Variants in AMZ1 observed in about 807,000 individuals in gnomAD.
AMZ1 encodes the protein archaemetzincin-1.
In AMZ1, 39 loss-of-function variants were observed where a neutral mutation model predicts 29.9. The observed-to-expected ratio is 1.30, with a 90% CI of 1.01 to 1.70. The LOEUF (loss-of-function observed/expected upper bound fraction) is 1.70, where lower values mean the gene tolerates loss of function less well. AMZ1 is among the 40% of genes most tolerant of loss of function. The pLI, the probability that AMZ1 is intolerant of heterozygous loss-of-function variation, is 0.00. For missense variants in AMZ1, 1,041 were observed against 680.6 expected (o/e 1.53, Z -5.89); for synonymous variants, 458 against 304.0 (o/e 1.51, Z -5.27).
Position 2,700,673 on chromosome 7 carries a change from C to T in AMZ1, c.222C>T (p.Pro74=), listed in dbSNP as rs150643476. 8.4e-5 allele frequency: 135 copies of T among 1,612,714 alleles called. 3 individuals are homozygous for T. The South Asian group carries it at 8.8e-4, about 10-fold the overall frequency. ...FDWLLSRPEA[P]EDFQTFHASL... ...GGCTCCTGAGCCGACCCGAGGCTCC[C>T]GAGGACTTCCAGACCTTCCACGCCT... Residue 74 remains proline, a synonymous_variant, in exon 2 of 7, where the codon CCC becomes CCT. Coordinates refer to ENST00000683327, the MANE Select transcript of AMZ1 (RefSeq NM_001384743.1).
At chr7:2,681,708 G>T (rs969212481) in intron 1 of AMZ1, among the ~76,000 whole-genome samples, 1 of 152,324 alleles carries the variant, frequency 6.6e-6, no homozygotes, top group South Asian at 2.1e-4. Context: ...TGGTCCGTGT[G>T]TCTTTTCCTG....
intron 1 of AMZ1, among the ~76,000 whole-genome samples, chr7:2,698,619 T>C (rs1388367260): frequency 6.6e-6 from 1 of 152,024 alleles, no homozygotes; most frequent in Non-Finnish European, 1.5e-5. Context: ...AGAGGATTGC[T>C]TGAGCCCAGG....
chr7:2,733,454 C>G (rs1455629624), intron 4 of AMZ1: 2 of 1,613,562 alleles, frequency 1.2e-6, no homozygotes, highest in African/African-American at 2.7e-5. Flanking sequence ...TACTCACCAG[C>G]TGGCCGATCC....
At chr7:2,760,751 C>T (rs1161588517), upstream of AMZ1, among the ~76,000 whole-genome samples, 2 of 152,246 alleles carry the variant, frequency 1.3e-5, no homozygotes, top group African/African-American at 2.4e-5. Context: ...CATTTCTAAT[C>T]TTTCCTCTAG....
rs2115333097 is a variant in AMZ1 at position 2,742,589 on chromosome 7, A to T, written n.551-22123A>T. Among the ~76,000 whole-genome samples the T allele has an allele frequency of 2.0e-5, 3 of 152,308 alleles. 1 individual carries two copies. In the South Asian group the frequency reaches 6.2e-4, roughly 32 times the overall value. ...GGTGCTCAAAGTGAAGAAAGCACTG[A>T]GTCTCGCCGGCCCTTTGCGTTTCCA... On this transcript the variant is annotated intron_variant and non_coding_transcript_variant, in intron 4 of 4. Coordinates refer to the AMZ1 transcript ENST00000489665.
At chr7:2,735,851 G>C (rs1562393425) in intron 4 of AMZ1, among the ~76,000 whole-genome samples, 1 of 152,140 alleles carries the variant, frequency 6.6e-6, no homozygotes, top group Non-Finnish European at 1.5e-5. Context: ...GAACTGTAAG[G>C]TGCCAGGGAC....
intron 4 of AMZ1, among the ~76,000 whole-genome samples, chr7:2,744,022 A>G (rs1455588516): frequency 6.6e-6 from 1 of 152,210 alleles, no homozygotes; most frequent in Admixed American, 6.5e-5. Context: ...AGCAGCCGGG[A>G]AGCTCAAACT....
At position 2,732,568 on chromosome 7, in the gene AMZ1, A is replaced by G. The variant is rs905474650; in HGVS notation, n.550+22752A>G. On this transcript the variant is annotated intron_variant and non_coding_transcript_variant, in intron 4 of 4. Coordinates refer to the AMZ1 transcript ENST00000489665. ...CTCAAAAAATCGAAAAACAAAACAG[A>G]ACAAAAAACCAACAAAACACCTCCC... Among the ~76,000 whole-genome samples the G allele has an allele frequency of 2.6e-5, 4 of 152,214 alleles. No individual in the cohort carries two copies. The South Asian group carries it at 8.3e-4, about 32-fold the overall frequency.
At chr7:2,688,392 G>T (rs1787178306) in intron 1 of AMZ1, 96 bp downstream of exon 1, 1 of 151,900 alleles carries the variant, frequency 6.6e-6, no homozygotes, top group Admixed American at 6.6e-5. Flanking sequence ...GTCCAGCCCG[G>T]CCCGCGCACC....
At chr7:2,690,410 G>A (rs7786592) in intron 1 of AMZ1, among the ~76,000 whole-genome samples, 19,735 of 152,124 alleles carry the variant, frequency 0.13, 1,658 homozygotes, top group East Asian at 0.39. Flanking sequence ...TGTAGAGACG[G>A]GGTTTTGCCA....
Position 2,718,024 on chromosome 7 carries a change from G to A in AMZ1, c.*5146G>A, listed in dbSNP as rs1467934133. Among the ~76,000 whole-genome samples, 4 of 152,316 alleles carry A rather than the reference G, an allele frequency of 2.6e-5. No individual in the cohort carries two copies. In the South Asian group the frequency reaches 6.2e-4, roughly 24 times the overall value. Reference sequence around the variant, plus strand: ...GGCGGCTCCACAATGGCCCTCAGAGGGTCCGCGGCAGCCAGGCCCGTCCAA... The same window carrying A: ...GGCGGCTCCACAATGGCCCTCAGAGAGTCCGCGGCAGCCAGGCCCGTCCAA... On this transcript the variant is annotated 3_prime_UTR_variant, in exon 7 of 7. Coordinates refer to ENST00000683327, the MANE Select transcript of AMZ1 (RefSeq NM_001384743.1).
At chr7:2,694,163 T>G (rs1787567068) in intron 1 of AMZ1, among the ~76,000 whole-genome samples, 1 of 152,142 alleles carries the variant, frequency 6.6e-6, no homozygotes, top group Non-Finnish European at 1.5e-5. Flanking sequence ...TTCAGGAAGG[T>G]GGACTGCCCT....
chr7:2,719,313 C>A lies in AMZ1; in HGVS notation c.*6435C>A, dbSNP rs1187864125. Among the ~76,000 whole-genome samples, 3 of 152,206 alleles carry A rather than the reference C, an allele frequency of 2.0e-5. No homozygotes were observed. The highest frequency in any genetic ancestry group is 2.9e-5 in the Non-Finnish European group (2 of 68,032). ...CACGTGGGGCTCTTGATGGCATAACCTGATGTCTGTCACGGACCCCCAAGC... is the reference window on the plus strand; with the variant it reads ...CACGTGGGGCTCTTGATGGCATAACATGATGTCTGTCACGGACCCCCAAGC... On this transcript the variant is annotated 3_prime_UTR_variant, in exon 7 of 7. Coordinates refer to ENST00000683327, the MANE Select transcript of AMZ1 (RefSeq NM_001384743.1).
intron 4 of AMZ1, among the ~76,000 whole-genome samples, chr7:2,739,701 G>C (rs868570744): frequency 1.6e-4 from 24 of 152,228 alleles, no homozygotes; most frequent in South Asian, 4.1e-4. Context: ...TTAAAATGGA[G>C]TCTCGCCCCG....
chr7:2,691,823 G>T (rs1460230724), intron 1 of AMZ1, among the ~76,000 whole-genome samples: 1 of 151,974 alleles, frequency 6.6e-6, no homozygotes, highest in South Asian at 2.1e-4. Context: ...CAGGGTGCCC[G>T]CAGGTATTGC....
At chr7:2,723,146 T>C (rs1323762495), downstream of AMZ1, among the ~76,000 whole-genome samples, 2 of 151,686 alleles carry the variant, frequency 1.3e-5, no homozygotes, top group African/African-American at 4.8e-5. Context: ...GAAAAAAAAA[T>C]TGAACAGGTT....
At chr7:2,708,490 C>A in intron 3 of AMZ1, 98 bp from the exon 4 acceptor site, 3 of 1,550,082 alleles carry the variant, frequency 1.9e-6, no homozygotes, top group Admixed American at 1.8e-5. Context: ...GGGGCAGGGC[C>A]CAGGCAGAGG....
chr7:2,747,794 T>C (rs1049061914), intron 4 of AMZ1, among the ~76,000 whole-genome samples: 2 of 152,142 alleles, frequency 1.3e-5, no homozygotes, highest in South Asian at 4.1e-4. Context: ...CAGCCCAAAA[T>C]CTCCTTAAGC....
chr7:2,711,916 G>A (rs887917957), intron 6 of AMZ1, among the ~76,000 whole-genome samples: 1 of 152,066 alleles, frequency 6.6e-6, no homozygotes, highest in African/African-American at 2.4e-5. Context: ...ATGCTGGCAG[G>A]AACCTGTAAA....
Sources: gnomAD v4.1 joint callset for allele counts (sites outside exome capture counted in the v4.1 genomes callset) on GRCh38, gnomAD v4.1.1 for gene constraint, MANE v1.5 for transcripts, NCBI Gene and HGNC (gene_info 2026-07-23, HGNC 2026-07-21) for gene names.